Variants in MAGI2 observed in about 807,000 individuals in gnomAD.
MAGI2 encodes the protein membrane associated guanylate kinase, WW and PDZ domain containing 2, also known as membrane-associated guanylate kinase, WW and PDZ domain-containing protein 2.
MAGI2 carries 35 observed loss-of-function variants against 133.3 expected under a neutral mutation model. The observed-to-expected ratio is 0.26, with a 90% CI of 0.20 to 0.35. MAGI2 has a LOEUF of 0.35. Among genes scored for constraint, MAGI2 ranks in the 10% least tolerant of loss-of-function variants. The probability of loss-of-function intolerance (pLI) is 1.00; values close to 1 mark genes in which losing one functional copy is unlikely to be tolerated. For missense variants in MAGI2, 1,636 were observed against 1,863.4 expected (o/e 0.88, Z 2.25); for synonymous variants, 729 against 710.6 (o/e 1.03, Z -0.41).
chr7:79,212,946 C>T (rs1829627196), intron 1 of MAGI2, among the ~76,000 whole-genome samples: 1 of 151,914 alleles, frequency 6.6e-6, no homozygotes, highest in Non-Finnish European at 1.5e-5. Flanking sequence ...GGATGGGATG[C>T]TTCCTTAACA....
rs145143138 is a variant in MAGI2, at chr7:79,043,097, G to T, written c.302-35891C>A. Among the ~76,000 whole-genome samples the T allele has an allele frequency of 1.2e-3, 190 of 152,100 alleles. 3 individuals carry two copies. The highest frequency in any genetic ancestry group is 4.4e-3 in the African/African-American group (183 of 41,482). On this transcript the variant is annotated intron_variant, in intron 1 of 21. Coordinates refer to ENST00000354212, the MANE Select transcript of MAGI2 (RefSeq NM_012301.4). ...CAGCTAAAACAGTATTAAGAAGAAA[G>T]TTTATAGCACTGAACACCCACATCA...
intron 1 of MAGI2, among the ~76,000 whole-genome samples, chr7:79,196,650 A>G (rs977236857): frequency 1.3e-5 from 2 of 151,884 alleles, no homozygotes; most frequent in African/African-American, 4.8e-5. Context: ...TTATCACTGC[A>G]TTTCCTTTCT....
intron 3 of MAGI2, among the ~76,000 whole-genome samples, chr7:78,525,401 TAACTCATTG>T (rs1780306581): frequency 7.7e-6 from 1 of 129,322 alleles, no homozygotes; most frequent in African/African-American, 3.3e-5. Flanking sequence ...GTCAGGCAGC[TAACTCATTG>T]AACTGACTCC....
At chr7:79,450,053 C>G (rs964073528) in intron 1 of MAGI2, among the ~76,000 whole-genome samples, 9 of 151,610 alleles carry the variant, frequency 5.9e-5, no homozygotes, top group Admixed American at 4.6e-4. Context: ...TAACAATATT[C>G]TTATTATTCA....
intron 6 of MAGI2, among the ~76,000 whole-genome samples, chr7:78,405,430 G>C (rs951804298): frequency 1.3e-5 from 2 of 151,950 alleles, no homozygotes; most frequent in Non-Finnish European, 2.9e-5. Context: ...AGCTTCATTT[G>C]ATTTTAAATA....
At chr7:78,956,896 G>T (rs1195820040) in intron 2 of MAGI2, among the ~76,000 whole-genome samples, 2 of 152,142 alleles carry the variant, frequency 1.3e-5, no homozygotes, top group Non-Finnish European at 2.9e-5. Flanking sequence ...GAATAGATGA[G>T]ATGTGTTTTT....
intron 3 of MAGI2, among the ~76,000 whole-genome samples, chr7:78,555,687 G>C (rs1344171314): frequency 1.3e-5 from 2 of 151,916 alleles, no homozygotes; most frequent in African/African-American, 4.8e-5. Context: ...TTATTTATAG[G>C]GTGCTAAAGG....
chr7:79,298,817 A>T lies in MAGI2; in HGVS notation c.301+154203T>A, dbSNP rs1007663788. Among the ~76,000 whole-genome samples the T allele has an allele frequency of 5.9e-5, 9 of 152,176 alleles. 1 individual carries two copies. The highest frequency in any genetic ancestry group is 2.0e-4 in the Admixed American group (3 of 15,262). On this transcript the variant is annotated intron_variant, in intron 1 of 21. Transcript: ENST00000354212. ...GACTAGTGTACATATAAGAAGAGAA[A>T]ATTTGGAAACACATACATGCAGAGG...
intron 13 of MAGI2, among the ~76,000 whole-genome samples, chr7:78,181,482 C>T (rs1827183694): frequency 6.6e-6 from 1 of 152,152 alleles, no homozygotes; most frequent in Non-Finnish European, 1.5e-5. Flanking sequence ...TCAGGTGTCG[C>T]TTAATGCAGC....
At chr7:79,418,211 G>C (rs1846679158) in intron 1 of MAGI2, among the ~76,000 whole-genome samples, 1 of 151,972 alleles carries the variant, frequency 6.6e-6, no homozygotes, top group Admixed American at 6.6e-5. Flanking sequence ...AATAAAGTTT[G>C]TAAAGCCTTA....
intron 1 of MAGI2, among the ~76,000 whole-genome samples, chr7:79,012,848 G>A (rs1346723582): frequency 1.3e-5 from 2 of 152,010 alleles, no homozygotes; most frequent in East Asian, 3.9e-4. Flanking sequence ...AACAGATCCG[G>A]TGCCTGGTAA....
chr7:79,416,223 A>G (rs1167609682), intron 1 of MAGI2, among the ~76,000 whole-genome samples: 1 of 152,146 alleles, frequency 6.6e-6, no homozygotes, highest in African/African-American at 2.4e-5. Context: ...CTGCATTCCC[A>G]GGTAAATAAA....
intron 7 of MAGI2, among the ~76,000 whole-genome samples, chr7:78,365,515 A>G (rs193098494): frequency 8.7e-4 from 132 of 152,316 alleles, no homozygotes; most frequent in Non-Finnish European, 5.3e-4. Context: ...TAACTTCTTT[A>G]GCCAGGGTTT....
At chr7:78,400,524 G>A (rs1454647519) in intron 6 of MAGI2, among the ~76,000 whole-genome samples, 1 of 152,108 alleles carries the variant, frequency 6.6e-6, no homozygotes, top group Non-Finnish European at 1.5e-5. Flanking sequence ...TGTATAATCA[G>A]ATCTTGTGTT....
rs1047586139 is a variant in MAGI2, at chr7:79,201,545, G to T, written c.302-194339C>A. ...TTGCTTTTTGTTTGTTTTTTTAATG[G>T]AAAAATCTTGGGATCTGTTGACCTG... On this transcript the variant is annotated intron_variant, in intron 1 of 21. Transcript: ENST00000354212. Among the ~76,000 whole-genome samples, 5 of 151,702 alleles carry T rather than the reference G, an allele frequency of 3.3e-5. No homozygotes were observed. In the East Asian group the frequency reaches 5.8e-4, roughly 18 times the overall value.
chr7:78,445,673 A>G (rs1178125539), intron 6 of MAGI2, among the ~76,000 whole-genome samples: 1 of 152,084 alleles, frequency 6.6e-6, no homozygotes, highest in Non-Finnish European at 1.5e-5. Flanking sequence ...GAAAATTATA[A>G]TAATTTACTG....
intron 6 of MAGI2, chr7:78,485,657 A>C (rs1344122538): frequency 1.3e-5 from 2 of 152,010 alleles, no homozygotes; most frequent in Non-Finnish European, 2.9e-5. Flanking sequence ...TTACTCATTT[A>C]TGTAAACAGA....
At chr7:79,151,250 C>A (rs964231671) in intron 1 of MAGI2, among the ~76,000 whole-genome samples, 2 of 151,946 alleles carry the variant, frequency 1.3e-5, no homozygotes, top group African/African-American at 4.8e-5. Context: ...ATCTTGTTAC[C>A]TTGAAACCTA....
At chr7:78,181,594 G>C (rs925555476) in intron 13 of MAGI2, among the ~76,000 whole-genome samples, 2 of 152,194 alleles carry the variant, frequency 1.3e-5, no homozygotes, top group African/African-American at 4.8e-5. Flanking sequence ...TTGCTTCTTA[G>C]AAGTTGGGTC....
Sources: gnomAD v4.1 joint callset for allele counts (sites outside exome capture counted in the v4.1 genomes callset) on GRCh38, gnomAD v4.1.1 for gene constraint, MANE v1.5 for transcripts, NCBI Gene and HGNC (gene_info 2026-07-23, HGNC 2026-07-21) for gene names.